Variants in DYNC2H1 observed in about 807,000 individuals in gnomAD.
DYNC2H1 encodes the protein dynein cytoplasmic 2 heavy chain 1.
Under a neutral mutation model 570.0 loss-of-function variants are expected in DYNC2H1, and 410 were observed. The observed-to-expected ratio is 0.72, with a 90% CI of 0.66 to 0.78. The LOEUF (loss-of-function observed/expected upper bound fraction) is 0.78. Ranked by LOEUF, DYNC2H1 falls within the 30% of genes least tolerant of loss-of-function variation. DYNC2H1 has a pLI of 0.00. For synonymous variants in DYNC2H1, 1,688 were observed against 1,677.6 expected (o/e 1.01, Z -0.15); for missense variants, 4,865 against 5,046.4 (o/e 0.96, Z 1.09).
chr11:103,119,087 A>G (rs1255775601), intron 6 of DYNC2H1, among the ~76,000 whole-genome samples: 2 of 152,206 alleles, frequency 1.3e-5, no homozygotes, highest in Admixed American at 6.5e-5. Flanking sequence ...AAACGGCAGT[A>G]TAGATAATTG....
chr11:103,450,341 A>C (rs1944556297), intron 85 of DYNC2H1, among the ~76,000 whole-genome samples: 1 of 152,198 alleles, frequency 6.6e-6, no homozygotes, highest in African/African-American at 2.4e-5. Flanking sequence ...CTTGAGTAAC[A>C]CTATTAGCCA....
chr11:103,342,004 G>A (rs1045322740), intron 82 of DYNC2H1, among the ~76,000 whole-genome samples: 1 of 152,162 alleles, frequency 6.6e-6, no homozygotes, highest in African/African-American at 2.4e-5. Flanking sequence ...AGCTGTGTGT[G>A]GTGGCATGTG....
In DYNC2H1 at chr11:103,152,943, C is replaced by T. The variant is rs554742503; in HGVS notation, c.3097-360C>T. ...AGCTGCATGGGAGACTGGGCAATGC[C>T]TTCCTTAATTTAGCAGCTATATACT... On this transcript the variant is annotated intron_variant, in intron 21 of 88. Coordinates refer to ENST00000375735, the MANE Select transcript of DYNC2H1 (RefSeq NM_001377.3). 6.6e-5 allele frequency among the ~76,000 whole-genome samples: 10 copies of T among 152,280 alleles called. No individual in the cohort carries two copies. In the South Asian group the frequency reaches 2.1e-3, roughly 32 times the overall value.
chr11:103,181,089 C>T lies in DYNC2H1; in HGVS notation c.6348-668C>T, dbSNP rs527957763. Among the ~76,000 whole-genome samples the T allele has an allele frequency of 5.3e-5, 8 of 151,054 alleles. No homozygotes were observed. The South Asian group carries it at 1.7e-3, about 32-fold the overall frequency. ...AAGATGTGAATCTCTATTATTTCAC[C>T]AATTGGATTTTGGTGAAATAATTGA... On this transcript the variant is annotated intron_variant, in intron 39 of 88. Transcript: ENST00000375735. The surrounding 1 kb of genome is among the most constrained non-coding windows in gnomAD (Gnocchi z 5.0).
At chr11:103,412,321 T>C (rs35384981) in intron 84 of DYNC2H1, among the ~76,000 whole-genome samples, 7,040 of 152,176 alleles carry the variant, frequency 0.046, 314 homozygotes, top group East Asian at 0.19. Flanking sequence ...TGATAACTTA[T>C]GATGATCTGC....
intron 83 of DYNC2H1, among the ~76,000 whole-genome samples, chr11:103,394,385 T>C (rs566792581): frequency 2.0e-5 from 3 of 152,272 alleles, no homozygotes; most frequent in Admixed American, 6.5e-5. Flanking sequence ...ACTTACGTAA[T>C]GCTTACTTAC....
rs2135388537 is a variant in DYNC2H1 at position 103,299,767 on chromosome 11, A to G, written c.11096-3326A>G. 6.6e-6 allele frequency among the ~76,000 whole-genome samples: 1 copy of G among 152,154 alleles called. No individual in the cohort carries two copies. Among genetic ancestry groups the G allele is most frequent in the East Asian group, 1.9e-4 (1 of 5,180 alleles). On this transcript the variant is annotated intron_variant, in intron 75 of 88. Coordinates refer to ENST00000375735, the MANE Select transcript of DYNC2H1 (RefSeq NM_001377.3). The surrounding 1 kb of genome is among the most constrained non-coding windows in gnomAD (Gnocchi z 4.5). ...GTTCATGACCTTAGTTACATTTGCA[A>G]AGTCCCTTCACAGCAGTACTTAGTT...
intron 73 of DYNC2H1, among the ~76,000 whole-genome samples, chr11:103,285,044 T>TA (rs1866291703): frequency 6.6e-6 from 1 of 152,158 alleles, no homozygotes; most frequent in Admixed American, 6.5e-5. Flanking sequence ...TAGAGACAAA[T>TA]AGAGGCATTT....
intron 83 of DYNC2H1, among the ~76,000 whole-genome samples, chr11:103,372,951 A>T (rs556147786): frequency 1.3e-5 from 2 of 151,668 alleles, no homozygotes; most frequent in South Asian, 2.1e-4. Flanking sequence ...GTGTGTGTGT[A>T]TGTGTGTTTG....
Position 103,277,459 on chromosome 11 carries a change from A to C in DYNC2H1, c.10696-2889A>C, listed in dbSNP as rs115986504. On this transcript the variant is annotated intron_variant, in intron 70 of 88. Coordinates refer to ENST00000375735, the MANE Select transcript of DYNC2H1 (RefSeq NM_001377.3). This position sits in a 1 kb window ranked among gnomAD's most constrained non-coding sequence, Gnocchi z 4.3. ...AGCGCTGTATACTTCTGGGATGTTT[A>C]GTCCCTTCTTACATTCTTGAGTATT... Among the ~76,000 whole-genome samples the C allele has an allele frequency of 1.8e-3, 276 of 152,210 alleles. 1 individual carries two copies. The highest frequency in any genetic ancestry group is 6.4e-3 in the African/African-American group (264 of 41,556).
At position 103,145,429 on chromosome 11, in the gene DYNC2H1, A is replaced by T. The variant is rs1477944381; in HGVS notation, c.2702+2034A>T. Among the ~76,000 whole-genome samples, 1 of 152,022 alleles carries T rather than the reference A, an allele frequency of 6.6e-6. No individual in the cohort carries two copies. The highest frequency in any genetic ancestry group is 1.5e-5 in the Non-Finnish European group (1 of 68,010). ...TCTTCTCTGTTGGGCCTTGCCTTTG[A>T]TCCCAATCTTGCCCATCTTCTTTGA... On this transcript the variant is annotated intron_variant, in intron 18 of 88. Coordinates refer to ENST00000375735, the MANE Select transcript of DYNC2H1 (RefSeq NM_001377.3). The surrounding 1 kb of genome is among the most constrained non-coding windows in gnomAD (Gnocchi z 4.2).
chr11:103,123,591 A>G (rs1030247239), intron 11 of DYNC2H1, among the ~76,000 whole-genome samples: 1 of 152,190 alleles, frequency 6.6e-6, no homozygotes, highest in South Asian at 2.1e-4. Context: ...TTTTCCTTCT[A>G]CTTTGAGCCT....
intron 83 of DYNC2H1, among the ~76,000 whole-genome samples, chr11:103,362,038 C>CAAT (rs147350209): frequency 0.035 from 5,345 of 152,048 alleles, 307 homozygotes; most frequent in African/African-American, 0.12. Context: ...GAGCTGGAGT[C>CAAT]AATGTATCTA....
intron 70 of DYNC2H1, among the ~76,000 whole-genome samples, chr11:103,272,835 C>T (rs1368965896): frequency 6.6e-6 from 1 of 151,184 alleles, no homozygotes; most frequent in Non-Finnish European, 1.5e-5. Context: ...TAATGGCCTA[C>T]TGTCATTTAT....
chr11:103,181,605 C>T lies in DYNC2H1; in HGVS notation c.6348-152C>T, dbSNP rs970788916. ...CACACAGATGTAATTGTATTATTCA[C>T]ACATACTCATAGTAAAGTAACTAAA... On this transcript the variant is annotated intron_variant, in intron 39 of 88. Transcript: ENST00000375735. The surrounding 1 kb of genome is among the most constrained non-coding windows in gnomAD (Gnocchi z 5.0). Among the ~76,000 whole-genome samples the T allele has an allele frequency of 1.3e-5, 2 of 151,626 alleles. No individual in the cohort carries two copies. The highest frequency in any genetic ancestry group is 4.8e-5 in the African/African-American group (2 of 41,370).
rs960546772 is a variant in DYNC2H1, at chr11:103,305,598, T to C, written c.11382+878T>C. On this transcript the variant is annotated intron_variant, in intron 77 of 88. Coordinates refer to ENST00000375735, the MANE Select transcript of DYNC2H1 (RefSeq NM_001377.3). The surrounding 1 kb of genome is among the most constrained non-coding windows in gnomAD (Gnocchi z 4.3). ...ATTAATTAATTTTTTCTGGCAGTGG[T>C]ATATAGAATAGAAACAAACAGAATA... Among the ~76,000 whole-genome samples the C allele has an allele frequency of 1.3e-5, 2 of 152,114 alleles. No homozygotes were observed. The highest frequency in any genetic ancestry group is 4.8e-5 in the African/African-American group (2 of 41,424).
intron 68 of DYNC2H1, among the ~76,000 whole-genome samples, chr11:103,257,175 A>C (rs930172619): frequency 1.3e-5 from 2 of 152,100 alleles, no homozygotes; most frequent in Non-Finnish European, 2.9e-5. Flanking sequence ...AGGCCAAGGG[A>C]GTTTTTTAGC....
chr11:103,216,838 C>G (rs758964988), intron 55 of DYNC2H1, among the ~76,000 whole-genome samples: 1 of 151,976 alleles, frequency 6.6e-6, no homozygotes, highest in African/African-American at 2.4e-5. Flanking sequence ...TCTTGGAAGT[C>G]TCTCGGGCAT....
rs1456136674 is a variant in DYNC2H1 at position 103,261,144 on chromosome 11, C to A, written c.10695+1167C>A. Among the ~76,000 whole-genome samples the A allele has an allele frequency of 6.6e-6, 1 of 152,048 alleles. No homozygotes were observed. Among genetic ancestry groups the A allele is most frequent in the East Asian group, 1.9e-4 (1 of 5,184 alleles). ...CTTTATTTGAGATACAGAATAAATCCTTCAGAAGCTCTCTGGGCAGGGCAT... is the reference window on the plus strand; with the variant it reads ...CTTTATTTGAGATACAGAATAAATCATTCAGAAGCTCTCTGGGCAGGGCAT... On this transcript the variant is annotated intron_variant, in intron 70 of 88. Coordinates refer to ENST00000375735, the MANE Select transcript of DYNC2H1 (RefSeq NM_001377.3). This position sits in a 1 kb window ranked among gnomAD's most constrained non-coding sequence, Gnocchi z 4.8.
Sources: allele counts gnomAD v4.1 joint callset (sites outside exome capture counted in the v4.1 genomes callset), GRCh38; gene constraint gnomAD v4.1.1; non-coding constraint Gnocchi (gnomAD v3.1); transcripts MANE v1.5; gene names NCBI Gene and HGNC (gene_info 2026-07-23, HGNC 2026-07-21).